The following CLCC1 variants were observed in gnomAD, a reference collection of about 807,000 sequenced individuals.
CLCC1 encodes chloride channel CLIC-like protein 1.
Under a neutral mutation model 63.3 loss-of-function variants are expected in CLCC1, and 39 were observed. The observed-to-expected ratio is 0.62, with a 90% CI of 0.48 to 0.81. CLCC1 has a LOEUF of 0.81. Ranked by LOEUF, CLCC1 falls within the 30% of genes least tolerant of loss-of-function variation. The probability of loss-of-function intolerance (pLI) is 0.00; values close to 1 mark genes in which losing one functional copy is unlikely to be tolerated. For synonymous variants in CLCC1, 217 were observed against 239.8 expected (o/e 0.90, Z 0.88); for missense variants, 549 against 669.4 (o/e 0.82, Z 1.98).
rs758136314 is a variant in CLCC1 at position 108,943,503 on chromosome 1, A to C, written c.674T>G (p.Leu225Trp). Residue 225 changes from leucine (L) to tryptophan (W), a missense_variant, in exon 7 of 13, where the codon TTG becomes TGG. By Grantham distance (61) the Leu-to-Trp change is moderately conservative. Coordinates refer to ENST00000369969, the MANE Select transcript of CLCC1 (RefSeq NM_001377458.1). Reference sequence around the variant, plus strand: ...ATATAAATACATCCAATTCCATCCCAAACTGAACAGAAAGCTGATGATTAA... The same window carrying C: ...ATATAAATACATCCAATTCCATCCCCAACTGAACAGAAAGCTGATGATTAA... Reference protein sequence around the residue: ...RVLIISFLFSLGWNWMYLYKL... With the variant: ...RVLIISFLFSWGWNWMYLYKL... The C allele has an allele frequency of 6.2e-7, 1 of 1,614,126 alleles. No homozygotes were observed. Among genetic ancestry groups the C allele is most frequent in the Non-Finnish European group, 8.5e-7 (1 of 1,179,978 alleles).
rs1295112544 is a variant in CLCC1, at chr1:108,941,444, C to T, written c.757G>A (p.Val253Met). 6.2e-7 allele frequency: 1 copy of T among 1,614,012 alleles called. No homozygotes were observed. Among genetic ancestry groups the T allele is most frequent in the African/African-American group, 1.3e-5 (1 of 74,892 alleles). Reference sequence around the variant, plus strand: ...GTCCAGTCCATCTTTTTGGCACACACATTGTTTAATGGCTCCATCTTGGCG... The same window carrying T: ...GTCCAGTCCATCTTTTTGGCACACATATTGTTTAATGGCTCCATCTTGGCG... ...EVAKMEPLNNVCAKKMDWTGS... is the reference protein window; with the variant it reads ...EVAKMEPLNNMCAKKMDWTGS... The change falls in exon 8 of 13, where the codon GTG becomes ATG. Residue 253 changes from valine to methionine, a missense_variant. Coordinates refer to ENST00000369969, the MANE Select transcript of CLCC1 (RefSeq NM_001377458.1).
At chr1:108,936,968 T>G in intron 11 of CLCC1, 109 bp downstream of exon 11, 76 of 665,850 alleles carry the variant, frequency 1.1e-4, no homozygotes, top group Middle Eastern at 4.7e-4. Context: ...GTATCACTCA[T>G]GATATAATTA....
At position 108,937,387 on chromosome 1, in the gene CLCC1, T is replaced by C; in HGVS notation, c.1073A>G (p.His358Arg). The C allele has an allele frequency of 6.2e-7, 1 of 1,610,070 alleles. No individual in the cohort carries two copies. Among genetic ancestry groups the C allele is most frequent in the Non-Finnish European group, 8.5e-7 (1 of 1,178,280 alleles). The change falls in exon 11 of 13, where the codon CAT becomes CGT. Residue 358 changes from histidine to arginine, a missense_variant. Transcript: ENST00000369969. ...AGGACCGCCTATATGTCTCAGCACA[T>C]GAACTGATTTTCCAGCACCATAGCA... Reference protein sequence around the residue: ...SFCYGAGKSVHVLRHIGGPES... With the variant: ...SFCYGAGKSVRVLRHIGGPES...
At chr1:108,962,659 A>G (rs1158885217) in intron 1 of CLCC1, among the ~76,000 whole-genome samples, 190 bp from the exon 2 acceptor site, 5 of 152,174 alleles carry the variant, frequency 3.3e-5, no homozygotes. Context: ...CTTTGAGCCC[A>G]GGAGTCAGAG....
chr1:108,963,313 G>A lies in CLCC1; in HGVS notation c.-173+48C>T. 3 of 684,336 alleles carry A rather than the reference G, an allele frequency of 4.4e-6. No individual in the cohort carries two copies. The South Asian group carries it at 4.5e-5, about 10-fold the overall frequency. The allele number at this position is 684,336 out of a possible 1,614,324, so 42.4% of individuals were successfully genotyped here. A position where few individuals can be genotyped will look rare whatever the true frequency, so the allele number is the denominator to read the frequency against. Reference sequence around the variant, plus strand: ...TGGACCCGCCAGGGCGTAACGGCGGGTAACCCGCCCCACCCGCCGCACAAC... The same window carrying A: ...TGGACCCGCCAGGGCGTAACGGCGGATAACCCGCCCCACCCGCCGCACAAC... On this transcript the variant is annotated intron_variant, in intron 1 of 12. Transcript: ENST00000369969.
At chr1:108,934,475 A>T (rs1652546257) in intron 12 of CLCC1, 150 bp downstream of exon 12, 2 of 566,682 alleles carry the variant, frequency 3.5e-6, no homozygotes, top group Middle Eastern at 4.8e-4. Context: ...AGATGAAATG[A>T]AAAGCTTTTA....
At chr1:108,941,586 CT>C in intron 7 of CLCC1, 88 bp from the exon 8 acceptor site, 1 of 802,618 alleles carries the variant, frequency 1.2e-6, no homozygotes, top group Non-Finnish European at 2.0e-6. Context: ...CAAAGAGTGT[CT>C]TTACCATTCA....
At chr1:108,937,875 G>A (rs576336049) in intron 10 of CLCC1, among the ~76,000 whole-genome samples, 1 of 152,298 alleles carries the variant, frequency 6.6e-6, no homozygotes, top group African/African-American at 2.4e-5. Flanking sequence ...AACAGGTTTT[G>A]ATTCACATTC....
rs766735674 is a variant in CLCC1 at position 108,931,348 on chromosome 1, G to C, written c.*1199C>G. The C allele has an allele frequency of 5.2e-6, 8 of 1,550,842 alleles. No individual in the cohort carries two copies. The highest frequency in any genetic ancestry group is 4.9e-5 in the East Asian group (2 of 40,892). On this transcript the variant is annotated 3_prime_UTR_variant, in exon 13 of 13. Coordinates refer to ENST00000369969, the MANE Select transcript of CLCC1 (RefSeq NM_001377458.1). ...CAGTTTACAAGGGGATGATAACAAA[G>C]TAACTAACTAACTGTAGCAAAAGAC...
In CLCC1 at chr1:108,947,604, TACTC is replaced by T. The variant is rs761212478; in HGVS notation, c.339+3_339+6del. The T allele has an allele frequency of 2.0e-5, 30 of 1,527,252 alleles. No individual in the cohort carries two copies. Among genetic ancestry groups the T allele is most frequent in the African/African-American group, 8.3e-5 (6 of 72,620 alleles). The allele number at this position is 1,527,252 out of a possible 1,614,324, so 94.6% of individuals were successfully genotyped here. ...TACGGATTAGTATCACACCATCAAATACTCACAAGTCCAAGCTTTCCAGCTTCAA... is the reference window on the plus strand; with the variant it reads ...TACGGATTAGTATCACACCATCAAATACAAGTCCAAGCTTTCCAGCTTCAA... On this transcript the variant is annotated splice_donor_5th_base_variant and intron_variant, in intron 5 of 12. Coordinates refer to ENST00000369969, the MANE Select transcript of CLCC1 (RefSeq NM_001377458.1).
At chr1:108,948,851 G>A (rs573886690) in intron 4 of CLCC1, among the ~76,000 whole-genome samples, 8 of 150,978 alleles carry the variant, frequency 5.3e-5, no homozygotes, top group African/African-American at 1.7e-4. Flanking sequence ...TCTTTTTCTT[G>A]TGGCTTCCTC....
At chr1:108,940,392 G>A (rs2101640842) in intron 8 of CLCC1, among the ~76,000 whole-genome samples, 1 of 152,224 alleles carries the variant, frequency 6.6e-6, no homozygotes, top group South Asian at 2.1e-4. Context: ...TTATAAAAAT[G>A]TCTAAAAGGT....
rs1651527522 is a variant in CLCC1, at chr1:108,929,551, A to AG, written c.*2995_*2996insC. 2 of 711,524 alleles carry AG rather than the reference A, an allele frequency of 2.8e-6. No homozygotes were observed. The highest frequency in any genetic ancestry group is 4.9e-6 in the Non-Finnish European group (2 of 411,592). 44.1% of individuals were successfully genotyped at this position (711,524 alleles called of 1,614,324 possible). ...CTTTCAGAAATCAGGCTGGGAACTA[A>AG]AGAGAACAATATAAAAACAAAGATT... On this transcript the variant is annotated 3_prime_UTR_variant, in exon 13 of 13. Transcript: ENST00000369969.
In CLCC1 at chr1:108,962,379, T is replaced by C. The variant is rs942900797; in HGVS notation, c.-82A>G. The C allele has an allele frequency of 6.6e-6, 1 of 152,208 alleles. No individual in the cohort carries two copies. The highest frequency in any genetic ancestry group is 1.5e-5 in the Non-Finnish European group (1 of 68,040). The allele number at this position is 152,208 out of a possible 1,614,324, so 9.4% of individuals were successfully genotyped here. A position where few individuals can be genotyped will look rare whatever the true frequency, so the allele number is the denominator to read the frequency against. On this transcript the variant is annotated 5_prime_UTR_variant, in exon 2 of 13. Coordinates refer to ENST00000369969, the MANE Select transcript of CLCC1 (RefSeq NM_001377458.1). Reference sequence around the variant, plus strand: ...GTATAAGTCGGGAGGCTGCAACTTATTTCGTATGCTTATGCAGTTTCTTGG... The same window carrying C: ...GTATAAGTCGGGAGGCTGCAACTTACTTCGTATGCTTATGCAGTTTCTTGG...
At chr1:108,946,833 TTTTCACTTCCCAAA>T (rs1211510122) in intron 5 of CLCC1, among the ~76,000 whole-genome samples, 10 of 152,058 alleles carry the variant, frequency 6.6e-5, no homozygotes, top group African/African-American at 2.2e-4. Flanking sequence ...GTCTGGGAAG[TTTTCACTTCCCAAA>T]GTGAAAACAG....
At chr1:108,960,767 G>A (rs1312938502) in intron 2 of CLCC1, among the ~76,000 whole-genome samples, 2 of 152,110 alleles carry the variant, frequency 1.3e-5, no homozygotes, top group Admixed American at 6.6e-5. Flanking sequence ...TAGGATGGGG[G>A]AAACGGAGAT....
rs193008333 is a variant in CLCC1, at chr1:108,954,517, C to T, written c.-11-4069G>A. Among the ~76,000 whole-genome samples, 93 of 150,954 alleles carry T rather than the reference C, an allele frequency of 6.2e-4. 1 individual carries two copies. The East Asian group carries it at 0.012, about 19-fold the overall frequency. ...TCGGTCTCAAAAACAACAACAACCA[C>T]CACCACCACCAGCACTAAGCGCACA... On this transcript the variant is annotated intron_variant, in intron 2 of 12. Transcript: ENST00000369969.
Position 108,943,960 on chromosome 1 carries a change from C to T in CLCC1, c.437G>A (p.Trp146Ter). Residue 146 changes from tryptophan (W) to a stop codon, truncating the protein, a stop_gained, in exon 6 of 13, where the codon TGG (tryptophan) becomes TAG (stop). Coordinates refer to ENST00000369969, the MANE Select transcript of CLCC1 (RefSeq NM_001377458.1). LOFTEE classifies it high-confidence loss of function. ...TGCATCATCCAAGGCACCTGGTTTC[C>T]AGTCTTCTCCATTGAGAAACTTCTG... The part of the protein sequence containing the change: ...EIQKFLNGED[W>*]KPGALDDALS... 1.9e-6 allele frequency: 3 copies of T among 1,613,416 alleles called. No homozygotes were observed. Among genetic ancestry groups the T allele is most frequent in the Non-Finnish European group, 8.5e-7 (1 of 1,179,568 alleles).
At chr1:108,954,713 A>G (rs1270344900) in intron 2 of CLCC1, among the ~76,000 whole-genome samples, 1 of 151,292 alleles carries the variant, frequency 6.6e-6, no homozygotes, top group Non-Finnish European at 1.5e-5. Context: ...GGTGATGTTA[A>G]TTTTAAAAAG....
Sources: allele counts gnomAD v4.1 joint callset (sites outside exome capture counted in the v4.1 genomes callset), GRCh38; gene constraint gnomAD v4.1.1; transcripts MANE v1.5; gene names NCBI Gene and HGNC (gene_info 2026-07-23, HGNC 2026-07-21).